The following PCDH15 variants were observed in gnomAD, a reference collection of about 807,000 sequenced individuals.
The protein encoded by PCDH15 is protocadherin-15.
Under a neutral mutation model 178.5 loss-of-function variants are expected in PCDH15, and 129 were observed. The ratio of observed to expected loss-of-function variants is 0.72; its 90% CI spans 0.63 to 0.84. The LOEUF (loss-of-function observed/expected upper bound fraction) is 0.84, where lower values mean the gene tolerates loss of function less well. Among genes scored for constraint, PCDH15 ranks in the 40% least tolerant of loss-of-function variants. The pLI is 0.00. For missense variants in PCDH15, 2,230 were observed against 2,099.9 expected, an observed-to-expected ratio of 1.06 and a Z score of -1.21; for synonymous variants, 800 against 732.0, an observed-to-expected ratio of 1.09 and a Z score of -1.50.
intron 2 of PCDH15, among the ~76,000 whole-genome samples, chr10:54,541,962 C>T (rs1444482133): frequency 7.2e-5 from 11 of 152,176 alleles, no homozygotes; most frequent in Non-Finnish European, 1.2e-4. Context: ...TTCTTTGCCA[C>T]AAGACAGTTA....
chr10:55,320,288 C>G (rs541972004), upstream of PCDH15, among the ~76,000 whole-genome samples: 28 of 152,264 alleles, frequency 1.8e-4, no homozygotes, highest in South Asian at 5.0e-3. Flanking sequence ...CACACACACA[C>G]GTGGATGTCA....
chr10:54,234,132 C>CTGTGTGTGTGTGTGTGTG (rs35466519), intron 9 of PCDH15, among the ~76,000 whole-genome samples: 2 of 138,466 alleles, frequency 1.4e-5, no homozygotes, highest in Non-Finnish European at 3.1e-5. Context: ...ATATCCCCTT[C>CTGTGTGTGTGTGTGTGTG]TGTGTGTGTG....
intron 1 of PCDH15, among the ~76,000 whole-genome samples, chr10:55,179,567 T>G (rs1839585916): frequency 1.1e-5 from 1 of 90,160 alleles, no homozygotes; most frequent in South Asian, 3.0e-4. Flanking sequence ...TCTAAGCCCA[T>G]AGAAACCTGG....
At position 53,822,160 on chromosome 10, in the gene PCDH15, C is replaced by T. The variant is rs371269732; in HGVS notation, c.4368-1930G>A. 16 of 1,613,848 alleles carry T rather than the reference C, an allele frequency of 9.9e-6. No individual in the cohort carries two copies. Among genetic ancestry groups the T allele is most frequent in the Admixed American group, 1.7e-5 (1 of 59,966 alleles). ...TGTGTCATAGAGGACTTAATTTTCT[C>T]GGCAGGCATCAAGTTGGTCGTGCAT... On this transcript the variant is annotated intron_variant, in intron 32 of 37. Transcript: ENST00000644397.
intron 3 of PCDH15, among the ~76,000 whole-genome samples, chr10:54,828,259 G>A (rs904075098): frequency 2.6e-5 from 4 of 152,060 alleles, no homozygotes; most frequent in Admixed American, 2.0e-4. Flanking sequence ...TAACATTCTA[G>A]AGTTGAAGAG....
chr10:54,554,250 T>A (rs779466908), intron 2 of PCDH15, among the ~76,000 whole-genome samples: 1 of 152,150 alleles, frequency 6.6e-6, no homozygotes, highest in Non-Finnish European at 1.5e-5. Context: ...AAATCTCAAT[T>A]GCCTCTTAAA....
intron 2 of PCDH15, among the ~76,000 whole-genome samples, chr10:55,495,253 A>G (rs894630412): frequency 6.6e-6 from 1 of 151,800 alleles, no homozygotes; most frequent in Non-Finnish European, 1.5e-5. Flanking sequence ...ATACATAAAC[A>G]TATATAAACT....
intron 2 of PCDH15, among the ~76,000 whole-genome samples, chr10:55,406,162 G>A (rs770719126): frequency 6.6e-6 from 1 of 151,858 alleles, no homozygotes; most frequent in Admixed American, 6.6e-5. Flanking sequence ...CAGGGGATGA[G>A]GTCAGTAAAA....
chr10:54,712,973 T>A (rs188446489), intron 1 of PCDH15, among the ~76,000 whole-genome samples: 18 of 152,168 alleles, frequency 1.2e-4, no homozygotes, highest in Non-Finnish European at 2.1e-4. Flanking sequence ...TTGGCACAGA[T>A]GAAAATTACG....
intron 35 of PCDH15, among the ~76,000 whole-genome samples, chr10:53,813,312 T>C (rs1026217728): frequency 1.3e-5 from 2 of 152,178 alleles, no homozygotes; most frequent in African/African-American, 4.8e-5. Context: ...CTGTAGGTAT[T>C]GACGCTTGCA....
intron 3 of PCDH15, among the ~76,000 whole-genome samples, chr10:54,854,615 C>T (rs1953703983): frequency 1.3e-5 from 2 of 152,132 alleles, no homozygotes; most frequent in Non-Finnish European, 2.9e-5. Flanking sequence ...TGCAGCTGAT[C>T]ATCCTGACAT....
intron 2 of PCDH15, among the ~76,000 whole-genome samples, chr10:55,453,079 G>A (rs1839470826): frequency 6.6e-6 from 1 of 152,092 alleles, no homozygotes; most frequent in Non-Finnish European, 1.5e-5. Context: ...TGTATTCATT[G>A]TCATATCTAA....
At chr10:54,385,051 C>T (rs1949749386) in intron 3 of PCDH15, among the ~76,000 whole-genome samples, 1 of 152,052 alleles carries the variant, frequency 6.6e-6, no homozygotes, top group African/African-American at 2.4e-5. Context: ...TGATCCAAAT[C>T]CAAGTGTATA....
At position 54,855,192 on chromosome 10, in the gene PCDH15, AG is replaced by A. The variant is rs1334942569; in HGVS notation, c.-29+42257del. On this transcript the variant is annotated intron_variant, in intron 3 of 5. Coordinates refer to the PCDH15 transcript ENST00000458638. ...CAGGCATTTTCAAGCTTGCAAGGGC[AG>A]GGGAGGCCTTCCCAGGCCTCTAAAG... 2.0e-5 allele frequency among the ~76,000 whole-genome samples: 3 copies of A among 152,196 alleles called. No homozygotes were observed. In the East Asian group the frequency reaches 5.8e-4, roughly 29 times the overall value.
rs1479840519 is a variant in PCDH15, at chr10:53,820,167, T to TGTCA, written c.4427_4430dup (p.Arg1478AspfsTer19). On this transcript the variant is annotated frameshift_variant, in exon 33 of 38. Coordinates refer to ENST00000644397, the MANE Select transcript of PCDH15 (RefSeq NM_001384140.1). LOFTEE classifies it high-confidence loss of function. Reference sequence around the variant, plus strand: ...AAGGCTTACACAATTGTGAATACCTTGTCAGAGTCCGCCAAATAGCACAAG... The same window carrying TGTCA: ...AAGGCTTACACAATTGTGAATACCTTGTCAGTCAGAGTCCGCCAAATAGCACAAG... The TGTCA allele has an allele frequency of 2.3e-5, 9 of 397,884 alleles. No individual in the cohort carries two copies. In the South Asian group the frequency reaches 5.1e-4, roughly 23 times the overall value. The allele number at this position is 397,884 out of a possible 1,614,324, so 24.6% of individuals were successfully genotyped here. A position where few individuals can be genotyped will look rare whatever the true frequency, so the allele number is the denominator to read the frequency against.
At chr10:55,191,178 C>T (rs978103208) in intron 1 of PCDH15, among the ~76,000 whole-genome samples, 2 of 151,294 alleles carry the variant, frequency 1.3e-5, no homozygotes, top group African/African-American at 4.9e-5. Context: ...GATTTTCAGT[C>T]CCTATTGAAT....
intron 1 of PCDH15, among the ~76,000 whole-genome samples, chr10:54,684,198 G>A (rs2094952478): frequency 6.6e-6 from 1 of 151,666 alleles, no homozygotes; most frequent in Non-Finnish European, 1.5e-5. Context: ...TTCATATAAG[G>A]ATATTTACTG....
At chr10:54,386,177 G>C (rs1471809610) in intron 3 of PCDH15, among the ~76,000 whole-genome samples, 1 of 146,244 alleles carries the variant, frequency 6.8e-6, no homozygotes, top group Non-Finnish European at 1.5e-5. Context: ...CAATATTTTG[G>C]CTTCCCTAGG....
chr10:53,835,720 C>A (rs1177980770), intron 29 of PCDH15, among the ~76,000 whole-genome samples: 4 of 152,108 alleles, frequency 2.6e-5, no homozygotes, highest in African/African-American at 9.7e-5. Context: ...AGTTTGACAG[C>A]AGCCTGGGCA....
Sources: gnomAD v4.1 joint callset for allele counts (sites outside exome capture counted in the v4.1 genomes callset) on GRCh38, gnomAD v4.1.1 for gene constraint, MANE v1.5 for transcripts, NCBI Gene and HGNC (gene_info 2026-07-23, HGNC 2026-07-21) for gene names.